Variants in TACC2 observed in about 807,000 individuals in gnomAD.
TACC2 encodes transforming acidic coiled-coil containing protein 2.
Under a neutral mutation model 227.3 loss-of-function variants are expected in TACC2, and 137 were observed. The ratio of observed to expected loss-of-function variants is 0.60; its 90% CI spans 0.52 to 0.69. The LOEUF is 0.69. Among genes scored for constraint, TACC2 ranks in the 30% least tolerant of loss-of-function variants. The pLI, the probability that TACC2 is intolerant of heterozygous loss-of-function variation, is 0.00. For synonymous variants in TACC2, 1,523 were observed against 1,487.5 expected (o/e 1.02, Z -0.55); for missense variants, 3,470 against 3,694.4 (o/e 0.94, Z 1.57).
chr10:122,213,314 T>C (rs1468181186), intron 9 of TACC2: 1 of 1,608,042 alleles, frequency 6.2e-7, no homozygotes, highest in Non-Finnish European at 8.5e-7. Flanking sequence ...TCTGTCTGTC[T>C]CTCTTTTTCT....
chr10:122,051,765 C>CTTTTTTTT lies in TACC2; in HGVS notation c.146+1235_146+1242dup, dbSNP rs56185263. ...TGCAAAACCTTGAGACTCAAAGTGACTTTTTTTTTTTTTTTTTTTTTTTTT... is the reference window on the plus strand; with the variant it reads ...TGCAAAACCTTGAGACTCAAAGTGACTTTTTTTTTTTTTTTTTTTTTTTTTTTTTTTTT... On this transcript the variant is annotated intron_variant, in intron 3 of 22. Coordinates refer to ENST00000369005, the MANE Select transcript of TACC2 (RefSeq NM_206862.4). The CTTTTTTTT allele has an allele frequency of 8.2e-5, 10 of 122,460 alleles. 1 individual carries two copies. The highest frequency in any genetic ancestry group is 2.3e-4 in the East Asian group (1 of 4,398). The allele number at this position is 122,460 out of a possible 1,614,324, so 7.6% of individuals were successfully genotyped here.
intron 5 of TACC2, among the ~76,000 whole-genome samples, chr10:122,105,872 C>T (rs567710788): frequency 2.1e-4 from 32 of 152,076 alleles, no homozygotes; most frequent in Admixed American, 9.2e-4. Context: ...ATCTGCCCGC[C>T]GCAGCCTCCC....
intron 8 of TACC2, among the ~76,000 whole-genome samples, chr10:122,207,671 CTAA>C (rs2095167443): frequency 1.3e-5 from 2 of 152,214 alleles, no homozygotes; most frequent in Non-Finnish European, 2.9e-5. Flanking sequence ...TCATGATGAG[CTAA>C]TGAGAGCATG....
chr10:122,029,338 T>C (rs1174059406), intron 2 of TACC2, among the ~76,000 whole-genome samples: 1 of 152,122 alleles, frequency 6.6e-6, no homozygotes, highest in Non-Finnish European at 1.5e-5. Flanking sequence ...ACTACACTGA[T>C]TGATTTTCAA....
chr10:122,253,943 T>C (rs1284497070), intron 22 of TACC2, 48 bp from the exon 23 acceptor site: 1 of 1,549,078 alleles, frequency 6.5e-7, no homozygotes, highest in Admixed American at 1.7e-5. Context: ...GCATTCTGAC[T>C]GGCCAGATTT....
intron 1 of TACC2, among the ~76,000 whole-genome samples, chr10:121,997,329 A>C (rs1043666568): frequency 4.3e-4 from 64 of 150,584 alleles, no homozygotes; most frequent in Non-Finnish European, 4.3e-4. Flanking sequence ...CTGGGATCTT[A>C]CCCCGCCTCT....
At chr10:122,004,626 C>T (rs1954837641) in intron 1 of TACC2, among the ~76,000 whole-genome samples, 1 of 152,104 alleles carries the variant, frequency 6.6e-6, no homozygotes, top group African/African-American at 2.4e-5. Flanking sequence ...ACCTTTTTTC[C>T]ACATTCCTAT....
intron 7 of TACC2, among the ~76,000 whole-genome samples, chr10:122,177,048 T>C (rs1219754961): frequency 2.6e-5 from 4 of 152,184 alleles, no homozygotes; most frequent in African/African-American, 9.7e-5. Flanking sequence ...CCAGTCCTGA[T>C]AGAGATACTT....
intron 3 of TACC2, among the ~76,000 whole-genome samples, chr10:122,073,898 G>A (rs1451895528): frequency 6.6e-6 from 1 of 151,964 alleles, no homozygotes; most frequent in African/African-American, 2.4e-5. Context: ...TCCTGCCTCA[G>A]CCTCCCAAGT....
At position 122,100,940 on chromosome 10, in the gene TACC2, G is replaced by A. The variant is rs182942605; in HGVS notation, c.5573+12349G>A. Among the ~76,000 whole-genome samples, 3 of 152,202 alleles carry A rather than the reference G, an allele frequency of 2.0e-5. No homozygotes were observed. In the East Asian group the frequency reaches 5.8e-4, roughly 29 times the overall value. On this transcript the variant is annotated intron_variant, in intron 5 of 22. Transcript: ENST00000369005. ...TAGCCTGTGATGGGACCACATTCTGGTTCAAGAGGCTCAGACAAACGTTGT... is the reference window on the plus strand; with the variant it reads ...TAGCCTGTGATGGGACCACATTCTGATTCAAGAGGCTCAGACAAACGTTGT...
At chr10:122,215,344 T>A (rs775294876) in intron 9 of TACC2, 47 bp from the exon 10 acceptor site, 4 of 1,559,592 alleles carry the variant, frequency 2.6e-6, no homozygotes, top group Non-Finnish European at 3.5e-6. Flanking sequence ...CTCTGGAGTG[T>A]TCCGTCCCTC....
chr10:122,189,127 G>T (rs543427208), intron 7 of TACC2, among the ~76,000 whole-genome samples: 1 of 152,270 alleles, frequency 6.6e-6, no homozygotes, highest in East Asian at 1.9e-4. Context: ...TAAAAAAAAT[G>T]ACCGGTCTGA....
At chr10:122,149,876 G>A (rs2091848932) in intron 7 of TACC2, among the ~76,000 whole-genome samples, 1 of 152,210 alleles carries the variant, frequency 6.6e-6, no homozygotes. Context: ...TTGCCTCTGA[G>A]GCCCACTGGG....
rs2090612021 is a variant in TACC2, at chr10:122,141,859, G to GA, written c.5700-1710dup. On this transcript the variant is annotated intron_variant, in intron 6 of 22. Transcript: ENST00000369005. The surrounding 1 kb of genome is among the most constrained non-coding windows in gnomAD (Gnocchi z 4.3). ...GGAGCACAGCAGTGTAATTTCTTGA[G>GA]AAAGCGAAGTTAGACTAGTAGTTTG... is the stretch of plus-strand genomic sequence containing the variant. 6.6e-6 allele frequency among the ~76,000 whole-genome samples: 1 copy of GA among 152,272 alleles called. No homozygotes were observed. The highest frequency in any genetic ancestry group is 1.9e-4 in the East Asian group (1 of 5,178).
rs776657367 is a variant in TACC2 at position 122,088,732 on chromosome 10, T to C, written c.5573+141T>C. ...GAAGCAAATGGCCATTCCCGTTTTA[T>C]GTACAGGTACAGCAGTACCTGGGAT... On this transcript the variant is annotated intron_variant, in intron 5 of 22. Coordinates refer to ENST00000369005, the MANE Select transcript of TACC2 (RefSeq NM_206862.4). 23 of 1,541,718 alleles carry C rather than the reference T, an allele frequency of 1.5e-5. No individual in the cohort carries two copies. The African/African-American group carries it at 2.7e-4, about 18-fold the overall frequency.
At chr10:121,999,018 T>G (rs188602862) in intron 1 of TACC2, among the ~76,000 whole-genome samples, 1,698 of 151,820 alleles carry the variant, frequency 0.011, 40 homozygotes, top group African/African-American at 0.039. Flanking sequence ...CTTTCTTTTT[T>G]TTTTTTTTTG....
intron 1 of TACC2, among the ~76,000 whole-genome samples, chr10:122,015,378 AC>A (rs1347227037): frequency 6.6e-6 from 1 of 151,584 alleles, no homozygotes; most frequent in African/African-American, 2.4e-5. Context: ...GGTGGCACGC[AC>A]CTGTAGTCTC....
At chr10:122,070,163 G>C (rs963548877) in intron 3 of TACC2, among the ~76,000 whole-genome samples, 46 of 152,330 alleles carry the variant, frequency 3.0e-4, no homozygotes, top group African/African-American at 1.1e-3. Context: ...GTCTGAGACA[G>C]GTAACACCGG....
intron 2 of TACC2, chr10:122,033,005 C>A (rs60948832): frequency 3.7e-6 from 3 of 809,530 alleles, no homozygotes; most frequent in Non-Finnish European, 3.4e-6. Flanking sequence ...ACAACAAAAA[C>A]AAAAAAACCC....
Sources: allele counts gnomAD v4.1 joint callset (sites outside exome capture counted in the v4.1 genomes callset), GRCh38; gene constraint gnomAD v4.1.1; non-coding constraint Gnocchi (gnomAD v3.1); transcripts MANE v1.5; gene names NCBI Gene and HGNC (gene_info 2026-07-23, HGNC 2026-07-21).